The following GDF5 variants were observed in gnomAD, a reference collection of about 807,000 sequenced individuals.
The protein encoded by GDF5 is growth/differentiation factor 5.
Under a neutral mutation model 34.6 loss-of-function variants are expected in GDF5, and 17 were observed. That is an observed-to-expected ratio of 0.49 (90% CI 0.34 to 0.74). GDF5 has a LOEUF of 0.74. GDF5 is among the 30% of genes least tolerant of loss of function. The pLI, the probability that GDF5 is intolerant of heterozygous loss-of-function variation, is 0.01. For missense variants in GDF5, 616 were observed against 661.2 expected, an observed-to-expected ratio of 0.93 and a Z score of 0.75; for synonymous variants, 332 against 290.7, an observed-to-expected ratio of 1.14 and a Z score of -1.44.
At chr20:35,439,125 C>T (rs2062488777), upstream of GDF5, among the ~76,000 whole-genome samples, 2 of 151,856 alleles carry the variant, frequency 1.3e-5, no homozygotes, top group South Asian at 4.1e-4. Flanking sequence ...AGGGTGTACC[C>T]CACCACCACC....
chr20:35,451,054 A>ATATATATATATATAT lies in GDF5; in HGVS notation c.-398+3585_-398+3586insATATATATATATATA, dbSNP rs2062530183. Reference sequence around the variant, plus strand: ...TTTTAGACTAACAGAAAAAAAAAAAAAAAAAAAAAAATATATATATATATA... The same window carrying ATATATATATATATAT: ...TTTTAGACTAACAGAAAAAAAAAAAATATATATATATATATAAAAAAAAAAATATATATATATATA... On this transcript the variant is annotated intron_variant, in intron 1 of 3. Transcript: ENST00000374372. 1.8e-4 allele frequency among the ~76,000 whole-genome samples: 9 copies of ATATATATATATATAT among 49,182 alleles called. 1 individual carries two copies. Among genetic ancestry groups the ATATATATATATATAT allele is most frequent in the African/African-American group, 2.8e-4 (3 of 10,848 alleles). 32.3% of individuals were successfully genotyped at this position (49,182 alleles called of 152,430 possible).
At chr20:35,450,939 A>G (rs774675547) in intron 1 of GDF5, among the ~76,000 whole-genome samples, 59 of 151,528 alleles carry the variant, frequency 3.9e-4, no homozygotes, top group African/African-American at 8.9e-4. Flanking sequence ...ATGGGGACTC[A>G]TAGCCAGAAA....
upstream of GDF5, among the ~76,000 whole-genome samples, chr20:35,438,686 C>A (rs957061381): frequency 1.3e-5 from 2 of 152,110 alleles, no homozygotes; most frequent in Non-Finnish European, 2.9e-5. Flanking sequence ...CCCACTTTCC[C>A]GAGGAGAGAT....
chr20:35,437,497 G>T lies in GDF5; in HGVS notation c.432C>A (p.Phe144Leu), dbSNP rs1568733431. ...PPKAGSVPSS[F>L]LLKKAREPGP... The stretch of plus-strand genomic sequence containing the variant: ...CGGGCTCCCTGGCCTTCTTCAGCAG[G>T]AAGGAGCTGGGGACAGATCCTGCTT... Residue 144 changes from phenylalanine to leucine, a missense_variant, in exon 1 of 2, where the codon TTC becomes TTA. Coordinates refer to ENST00000374369, the MANE Select transcript of GDF5 (RefSeq NM_000557.5). The T allele has an allele frequency of 6.2e-7, 1 of 1,614,176 alleles. No homozygotes were observed. Among genetic ancestry groups the T allele is most frequent in the East Asian group, 2.2e-5 (1 of 44,882 alleles).
chr20:35,437,465 G>A lies in GDF5; in HGVS notation c.464C>T (p.Pro155Leu), dbSNP rs757005323. Residue 155 changes from proline (P) to leucine (L), a missense_variant, in exon 1 of 2, where the codon CCA becomes CTA. Coordinates refer to ENST00000374369, the MANE Select transcript of GDF5 (RefSeq NM_000557.5). Reference sequence around the variant, plus strand: ...GCGAAACGGCTCCTTGGGCTCTCGTGGGGGCCCGGGCTCCCTGGCCTTCTT... The same window carrying A: ...GCGAAACGGCTCCTTGGGCTCTCGTAGGGGCCCGGGCTCCCTGGCCTTCTT... ...LLKKAREPGP[P>L]REPKEPFRPP... 24 of 1,613,950 alleles carry A rather than the reference G, an allele frequency of 1.5e-5. 1 individual carries two copies. Among genetic ancestry groups the A allele is most frequent in the Middle Eastern group, 3.3e-4 (2 of 6,084 alleles).
Position 35,437,437 on chromosome 20 carries a change from T to C in GDF5, c.492A>G (p.Pro164=). Residue 164 remains proline, a synonymous_variant, in exon 1 of 2, where the codon CCA becomes CCG. Transcript: ENST00000374369. ...PPREPKEPFR[P]PPITPHEYML... Reference sequence around the variant, plus strand: ...TGTACTCGTGGGGTGTGATGGGGGGTGGGCGAAACGGCTCCTTGGGCTCTC... The same window carrying C: ...TGTACTCGTGGGGTGTGATGGGGGGCGGGCGAAACGGCTCCTTGGGCTCTC... The C allele has an allele frequency of 6.2e-7, 1 of 1,612,824 alleles. No homozygotes were observed.
At chr20:35,440,537 A>G (rs1047602039), upstream of GDF5, among the ~76,000 whole-genome samples, 1 of 151,782 alleles carries the variant, frequency 6.6e-6, no homozygotes, top group Non-Finnish European at 1.5e-5. Flanking sequence ...TACCCATCAA[A>G]CAAGTGCCAA....
chr20:35,450,658 T>C (rs1368869718), intron 1 of GDF5, among the ~76,000 whole-genome samples: 1 of 152,108 alleles, frequency 6.6e-6, no homozygotes, highest in African/African-American at 2.4e-5. Flanking sequence ...GCAGTTCCCT[T>C]AGCAAAGGCA....
chr20:35,440,267 C>G (rs1484322627), upstream of GDF5, among the ~76,000 whole-genome samples: 1 of 151,522 alleles, frequency 6.6e-6, no homozygotes, highest in African/African-American at 2.4e-5. Flanking sequence ...GATCGCACCA[C>G]TGCACTCCAG....
chr20:35,435,102 C>G, intron 1 of GDF5: 2 of 602,622 alleles, frequency 3.3e-6, no homozygotes, highest in Non-Finnish European at 6.1e-6. Flanking sequence ...ATCTCTCTCC[C>G]AGCCATGAGC....
rs549803995 is a variant in GDF5 at position 35,437,845 on chromosome 20, G to A, written c.84C>T (p.Ala28=). Reference sequence around the variant, plus strand: ...CCTGGGGTCTCTGGCCCAAGTCAGGGGCACCCAACACAGTGCAGATGAATT... The same window carrying A: ...CCTGGGGTCTCTGGCCCAAGTCAGGAGCACCCAACACAGTGCAGATGAATT... ...DLEFICTVLG[A]PDLGQRPQGT... Residue 28 remains alanine (A), a synonymous_variant, in exon 1 of 2, where the codon GCC becomes GCT. Coordinates refer to ENST00000374369, the MANE Select transcript of GDF5 (RefSeq NM_000557.5). The A allele has an allele frequency of 1.9e-6, 3 of 1,614,010 alleles. No individual in the cohort carries two copies.
In GDF5 at chr20:35,437,287, C is replaced by T. The variant is rs780226988; in HGVS notation, c.631+11G>A. The T allele has an allele frequency of 7.5e-6, 12 of 1,595,552 alleles. No individual in the cohort carries two copies. Among genetic ancestry groups the T allele is most frequent in the East Asian group, 6.7e-5 (3 of 44,822 alleles). On this transcript the variant is annotated intron_variant, in intron 1 of 1. Transcript: ENST00000374369. Reference sequence around the variant, plus strand: ...CCTCTGAGCCGTGCCCCTGCCACCCCGCCCCCTCACCTTGCCCTTTGTCAA... The same window carrying T: ...CCTCTGAGCCGTGCCCCTGCCACCCTGCCCCCTCACCTTGCCCTTTGTCAA...
At chr20:35,442,208 G>A (rs528155037), upstream of GDF5, among the ~76,000 whole-genome samples, 59 of 151,698 alleles carry the variant, frequency 3.9e-4, no homozygotes, top group Admixed American at 2.7e-3. Context: ...GTGCAGTGGC[G>A]CAATCTCAGC....
chr20:35,443,039 T>C (rs1189129521), upstream of GDF5, among the ~76,000 whole-genome samples: 1 of 152,058 alleles, frequency 6.6e-6, no homozygotes, highest in Non-Finnish European at 1.5e-5. Context: ...GGCTGGGACT[T>C]TGGGGACATG....
In GDF5 at chr20:35,437,803, C is replaced by G. The variant is rs1443636348; in HGVS notation, c.126G>C (p.Leu42Phe). 6.2e-6 allele frequency: 10 copies of G among 1,613,284 alleles called. No individual in the cohort carries two copies. The highest frequency in any genetic ancestry group is 8.5e-6 in the Non-Finnish European group (10 of 1,179,668). ...GCCTCTCCTTGGCCTCTGCTTTGGC[C>G]AATCCTGGCCTGGTCCCCTGGGGTC... ...GQRPQGTRPG[L>F]AKAEAKERPP... Residue 42 changes from leucine (L) to phenylalanine (F), a missense_variant, in exon 1 of 2, where the codon TTG becomes TTC. Transcript: ENST00000374369.
At chr20:35,438,358 TCA>T (rs3055779), upstream of GDF5, 37,679 of 159,838 alleles carry the variant, frequency 0.24, 4,728 homozygotes, top group Middle Eastern at 0.28. Flanking sequence ...TGAAAATACT[TCA>T]CACACACACA....
chr20:35,444,430 G>C (rs896755427), intron 1 of GDF5, among the ~76,000 whole-genome samples: 5 of 152,102 alleles, frequency 3.3e-5, no homozygotes, highest in African/African-American at 9.7e-5. Flanking sequence ...CAGTTGCAAA[G>C]GCCCTGAGGC....
chr20:35,451,042 GAAAAA>G (rs1157980088), intron 1 of GDF5, among the ~76,000 whole-genome samples: 4,538 of 16,382 alleles, frequency 0.28, 962 homozygotes, highest in East Asian at 0.62. Context: ...TAGACTAACA[GAAAAA>G]AAAAAAAAAA....
intron 1 of GDF5, among the ~76,000 whole-genome samples, chr20:35,445,816 C>A (rs941485337): frequency 1.3e-5 from 2 of 148,406 alleles, no homozygotes; most frequent in African/African-American, 5.0e-5. Flanking sequence ...ACTAAAAATA[C>A]AAAATTAGCT....
Sources: allele counts gnomAD v4.1 joint callset (sites outside exome capture counted in the v4.1 genomes callset), GRCh38; gene constraint gnomAD v4.1.1; transcripts MANE v1.5; gene names NCBI Gene and HGNC (gene_info 2026-07-23, HGNC 2026-07-21).